Variants in HOXA5 observed in about 807,000 individuals in gnomAD.
HOXA5 encodes homeobox protein Hox-A5.
In HOXA5, 12 loss-of-function variants were observed where a neutral mutation model predicts 20.0. The observed-to-expected ratio is 0.60, with a 90% confidence interval of 0.38 to 0.97. HOXA5 has a LOEUF of 0.97. HOXA5 is among the 50% of genes least tolerant of loss of function. HOXA5 has a pLI of 0.00. For synonymous variants in HOXA5, 159 were observed against 157.7 expected, an observed-to-expected ratio of 1.01 and a Z score of -0.06; for missense variants, 352 against 380.3, an observed-to-expected ratio of 0.93 and a Z score of 0.62.
At position 27,141,687 on chromosome 7, in the gene HOXA5, A is replaced by C; in HGVS notation, c.*148T>G. 1 of 969,384 alleles carries C rather than the reference A, an allele frequency of 1.0e-6. No homozygotes were observed. Among genetic ancestry groups the C allele is most frequent in the Non-Finnish European group, 1.5e-6 (1 of 653,932 alleles). The allele number at this position is 969,384 out of a possible 1,614,324, so 60.0% of individuals were successfully genotyped here. ...CTTATACAGGCGCTATAATGGCAAT[A>C]AACAGGCTCATGATTAAAAGATGAA... On this transcript the variant is annotated 3_prime_UTR_variant, in exon 2 of 2. Coordinates refer to ENST00000222726, the MANE Select transcript of HOXA5 (RefSeq NM_019102.4).
In HOXA5 at chr7:27,142,041, T is replaced by C. The variant is rs776634325; in HGVS notation, c.607A>G (p.Thr203Ala). 4 of 1,614,204 alleles carry C rather than the reference T, an allele frequency of 2.5e-6. No homozygotes were observed. The stretch of plus-strand genomic sequence containing the variant: ...TCCAGCTCCAGGGTCTGGTAGCGCG[T>C]GTAGGCCGTCCGGGCCCTTTTGCCT... The part of the protein sequence containing the change: ...PEGKRARTAY[T>A]RYQTLELEKE... The change falls in exon 2 of 2, where the codon ACG (threonine) becomes GCG (alanine). Residue 203 changes from threonine (T) to alanine (A), a missense_variant. Thr to Ala is a moderately conservative substitution (Grantham distance 58, BLOSUM62 0). This residue lies in a region of HOXA5 where 319 missense variants were observed against 336.5 expected (regional missense o/e 0.95). Transcript: ENST00000222726.
In HOXA5 at chr7:27,141,914, T is replaced by A; in HGVS notation, c.734A>T (p.Asn245Ile). Residue 245 changes from asparagine to isoleucine, a missense_variant, in exon 2 of 2, where the codon AAC becomes ATC. By Grantham distance (149) the Asn-to-Ile change is moderately radical. This residue lies in a region of HOXA5 where 3 missense variants were observed against 17.7 expected (regional missense o/e 0.17). Transcript: ENST00000222726. ...ATCTTTTTTCCACTTCATTCTCCGGTTTTGGAACCAGATTTTAATTTGTCT... is the reference window on the plus strand; with the variant it reads ...ATCTTTTTTCCACTTCATTCTCCGGATTTGGAACCAGATTTTAATTTGTCT... ...SERQIKIWFQNRRMKWKKDNK... is the reference protein window; with the variant it reads ...SERQIKIWFQIRRMKWKKDNK... 6.2e-7 allele frequency: 1 copy of A among 1,614,196 alleles called. No individual in the cohort carries two copies. Among genetic ancestry groups the A allele is most frequent in the Non-Finnish European group, 8.5e-7 (1 of 1,180,046 alleles).
chr7:27,143,129 G>T lies in HOXA5; in HGVS notation c.479C>A (p.Ala160Glu), dbSNP rs1562729047. 5 of 1,606,904 alleles carry T rather than the reference G, an allele frequency of 3.1e-6. No individual in the cohort carries two copies. The highest frequency in any genetic ancestry group is 1.4e-5 in the African/African-American group (1 of 74,042). ...CGGGCTCGGCTCGCTCTGCGCACTC[G>T]CCTGCTCGCTGCTGGCAGGGGCGTC... The part of the protein sequence containing the change: ...EEDAPASSEQ[A>E]SAQSEPSPAP... Residue 160 changes from alanine (A) to glutamate (E), a missense_variant, in exon 1 of 2, where the codon GCG becomes GAG. By Grantham distance (107) the Ala-to-Glu change is moderately radical. Transcript: ENST00000222726.
rs745560377 is a variant in HOXA5 at position 27,141,843 on chromosome 7, G to A, written c.805C>T (p.Arg269Cys). The change falls in exon 2 of 2, where the codon CGT (arginine) becomes TGT (cysteine). Residue 269 changes from arginine (R) to cysteine (C), a missense_variant. By Grantham distance (180) the Arg-to-Cys change is radical. Transcript: ENST00000222726. ...MSMAAAGGAF[R>C]P ...TTTAAACGCTCAGATACTCAGGGAC[G>A]GAAGGCCCCTCCTGCCGCGGCCATG... 1.7e-5 allele frequency: 28 copies of A among 1,613,780 alleles called. No homozygotes were observed. The highest frequency in any genetic ancestry group is 4.4e-5 in the South Asian group (4 of 91,074).
chr7:27,142,432 C>G (rs988520317), intron 1 of HOXA5, among the ~76,000 whole-genome samples: 1 of 152,180 alleles, frequency 6.6e-6, no homozygotes, highest in Non-Finnish European at 1.5e-5. Flanking sequence ...AAGCAAGGCC[C>G]TTTCCTGAGC....
intron 1 of HOXA5, 70 bp downstream of exon 1, chr7:27,142,976 C>T: frequency 1.5e-6 from 2 of 1,358,562 alleles, no homozygotes; most frequent in East Asian, 2.5e-5. Flanking sequence ...GAGAGGGCGG[C>T]AGAGAAGAGA....
At position 27,142,994 on chromosome 7, in the gene HOXA5, C is replaced by T; in HGVS notation, c.562+52G>A. The T allele has an allele frequency of 2.1e-6, 3 of 1,458,474 alleles. No homozygotes were observed. The South Asian group carries it at 4.2e-5, about 20-fold the overall frequency. 90.3% of individuals were successfully genotyped at this position (1,458,474 alleles called of 1,614,324 possible). On this transcript the variant is annotated intron_variant, in intron 1 of 1. Coordinates refer to ENST00000222726, the MANE Select transcript of HOXA5 (RefSeq NM_019102.4). ...AGGGCGGCAGAGAAGAGAGGGGGGA[C>T]CGAGAGCCGCGTCCCCGCGGTCGCG...
In HOXA5 at chr7:27,141,873, T is replaced by C. The variant is rs763891126; in HGVS notation, c.775A>G (p.Met259Val). The change falls in exon 2 of 2, where the codon ATG (methionine) becomes GTG (valine). Residue 259 changes from methionine (M) to valine (V), a missense_variant. Physicochemically the swap from Met to Val is conservative, Grantham distance 21. Coordinates refer to ENST00000222726, the MANE Select transcript of HOXA5 (RefSeq NM_019102.4). The stretch of plus-strand genomic sequence containing the variant: ...GCCCCTCCTGCCGCGGCCATGCTCA[T>C]GCTTTTCAGCTTATTATCTTTTTTC... ...KWKKDNKLKS[M>V]SMAAAGGAFR... 1.9e-6 allele frequency: 3 copies of C among 1,614,128 alleles called. No homozygotes were observed. The highest frequency in any genetic ancestry group is 3.3e-5 in the Admixed American group (2 of 60,012).
intron 1 of HOXA5, 54 bp downstream of exon 1, chr7:27,142,992 G>T: frequency 6.9e-7 from 1 of 1,439,896 alleles, no homozygotes; most frequent in South Asian, 1.4e-5. Context: ...AGAGAGGGGG[G>T]ACCGAGAGCC....
chr7:27,143,666 C>A lies in HOXA5; in HGVS notation c.-59G>T. On this transcript the variant is annotated 5_prime_UTR_variant, in exon 1 of 2. Coordinates refer to ENST00000222726, the MANE Select transcript of HOXA5 (RefSeq NM_019102.4). ...CGCGGTCGTTTGTGCGTCTATAGCA[C>A]CCTTGCACAATTTATGATGAATTAT... 1.3e-6 allele frequency: 2 copies of A among 1,527,218 alleles called. No homozygotes were observed. Among genetic ancestry groups the A allele is most frequent in the Non-Finnish European group, 1.8e-6 (2 of 1,136,664 alleles). The allele number at this position is 1,527,218 out of a possible 1,614,324, so 94.6% of individuals were successfully genotyped here.
Position 27,143,402 on chromosome 7 carries a change from C to T in HOXA5, c.206G>A (p.Arg69His). 1 of 1,608,518 alleles carries T rather than the reference C, an allele frequency of 6.2e-7. No individual in the cohort carries two copies. The highest frequency in any genetic ancestry group is 1.3e-5 in the African/African-American group (1 of 74,870). Residue 69 changes from arginine (R) to histidine (H), a missense_variant, in exon 1 of 2, where the codon CGC (arginine) becomes CAC (histidine). Physicochemically the swap from Arg to His is conservative, Grantham distance 29. Coordinates refer to ENST00000222726, the MANE Select transcript of HOXA5 (RefSeq NM_019102.4). ...SGSGHFGSGE[R>H]ARSYAASASA... ...GGCGCTGGCAGCGTAGCTGCGGGCG[C>T]GCTCTCCGGAGCCAAAGTGGCCGGA...
rs781576714 is a variant in HOXA5 at position 27,143,229 on chromosome 7, CGCTGGAGTT to C, written c.370_378del (p.Asn124_Ser126del). ...GTGCTGCCGGCGTCGGCCGAGGCGC[CGCTGGAGTT>C]GCTTAGGGAGTTTTTCCCGCCGTGG... On this transcript the variant is annotated inframe_deletion, in exon 1 of 2. Coordinates refer to ENST00000222726, the MANE Select transcript of HOXA5 (RefSeq NM_019102.4). 60 of 1,609,838 alleles carry C rather than the reference CGCTGGAGTT, an allele frequency of 3.7e-5. No individual in the cohort carries two copies. The South Asian group carries it at 6.4e-4, about 17-fold the overall frequency.
In HOXA5 at chr7:27,141,979, T is replaced by C; in HGVS notation, c.669A>G (p.Arg223=). 5 of 1,614,266 alleles carry C rather than the reference T, an allele frequency of 3.1e-6. No individual in the cohort carries two copies. The highest frequency in any genetic ancestry group is 4.2e-6 in the Non-Finnish European group (5 of 1,180,050). Reference sequence around the variant, plus strand: ...GAGCATGTGCTATTTCAATCCTCCTTCTGCGGGTCAGGTAACGGTTGAAGT... The same window carrying C: ...GAGCATGTGCTATTTCAATCCTCCTCCTGCGGGTCAGGTAACGGTTGAAGT... ...EFHFNRYLTR[R]RRIEIAHALC... is the part of the protein sequence containing the mutation. Residue 223 remains arginine (R), a synonymous_variant, in exon 2 of 2, where the codon AGA becomes AGG. Transcript: ENST00000222726.
At position 27,143,193 on chromosome 7, in the gene HOXA5, T is replaced by A; in HGVS notation, c.415A>T (p.Ser139Cys). 1 of 1,611,416 alleles carries A rather than the reference T, an allele frequency of 6.2e-7. No individual in the cohort carries two copies. The highest frequency in any genetic ancestry group is 8.5e-7 in the Non-Finnish European group (1 of 1,179,208). The change falls in exon 1 of 2, where the codon AGC (serine) becomes TGC (cysteine). Residue 139 changes from serine to cysteine, a missense_variant. Ser to Cys is a moderately radical substitution (Grantham distance 112). Transcript: ENST00000222726. ...SADAGSTHISSREGVGTASGA... is the reference protein window; with the variant it reads ...SADAGSTHISCREGVGTASGA... ...GACGCCGTGCCAACCCCCTCTCTGC[T>A]GCTGATGTGGGTGCTGCCGGCGTCG... is the stretch of plus-strand genomic sequence containing the variant.
In HOXA5 at chr7:27,143,642, G is replaced by A. The variant is rs553432814; in HGVS notation, c.-35C>T. ...GATATGTGTGCTTGATTTGTGGCTC[G>A]CGGTCGTTTGTGCGTCTATAGCACC... On this transcript the variant is annotated 5_prime_UTR_variant, in exon 1 of 2. Transcript: ENST00000222726. 3.1e-5 allele frequency: 48 copies of A among 1,556,504 alleles called. No homozygotes were observed. The highest frequency in any genetic ancestry group is 4.1e-5 in the Non-Finnish European group (47 of 1,149,932).
Position 27,143,374 on chromosome 7 carries a change from G to T in HOXA5, c.234C>A (p.Ser78Arg). ...ERARSYAASA[S>R]AAPAEPRYSQ... ...TGTACCTGGGCTCGGCGGGCGCCGC[G>T]CTGGCGCTGGCAGCGTAGCTGCGGG... The change falls in exon 1 of 2, where the codon AGC becomes AGA. Residue 78 changes from serine to arginine, a missense_variant. Coordinates refer to ENST00000222726, the MANE Select transcript of HOXA5 (RefSeq NM_019102.4). 2 of 1,591,264 alleles carry T rather than the reference G, an allele frequency of 1.3e-6. No homozygotes were observed. Among genetic ancestry groups the T allele is most frequent in the Non-Finnish European group, 1.7e-6 (2 of 1,172,530 alleles).
chr7:27,141,756 G>A lies in HOXA5; in HGVS notation c.*79C>T. 1 of 1,527,480 alleles carries A rather than the reference G, an allele frequency of 6.5e-7. No homozygotes were observed. Among genetic ancestry groups the A allele is most frequent in the Non-Finnish European group, 8.9e-7 (1 of 1,128,466 alleles). The allele number at this position is 1,527,480 out of a possible 1,614,324, so 94.6% of individuals were successfully genotyped here. On this transcript the variant is annotated 3_prime_UTR_variant, in exon 2 of 2. Coordinates refer to ENST00000222726, the MANE Select transcript of HOXA5 (RefSeq NM_019102.4). ...GGCTTCTTCACAGAAGGAACACAAG[G>A]GAGTTTCAGAAAGTCACCTTAGTAC... is the stretch of plus-strand genomic sequence containing the variant.
At position 27,143,660 on chromosome 7, in the gene HOXA5, A is replaced by G. The variant is rs1055207469; in HGVS notation, c.-53T>C. ...GTGGCTCGCGGTCGTTTGTGCGTCT[A>G]TAGCACCCTTGCACAATTTATGATG... On this transcript the variant is annotated 5_prime_UTR_variant, in exon 1 of 2. Coordinates refer to ENST00000222726, the MANE Select transcript of HOXA5 (RefSeq NM_019102.4). 3 of 1,544,002 alleles carry G rather than the reference A, an allele frequency of 1.9e-6. No homozygotes were observed. The highest frequency in any genetic ancestry group is 2.6e-6 in the Non-Finnish European group (3 of 1,143,956).
chr7:27,143,217 C>A lies in HOXA5; in HGVS notation c.391G>T (p.Asp131Tyr). ...CTGCTGATGTGGGTGCTGCCGGCGTCGGCCGAGGCGCCGCTGGAGTTGCTT... is the reference window on the plus strand; with the variant it reads ...CTGCTGATGTGGGTGCTGCCGGCGTAGGCCGAGGCGCCGCTGGAGTTGCTT... ...SLSNSSGASADAGSTHISSRE... is the reference protein window; with the variant it reads ...SLSNSSGASAYAGSTHISSRE... Residue 131 changes from aspartate to tyrosine, a missense_variant, in exon 1 of 2, where the codon GAC (aspartate) becomes TAC (tyrosine). By Grantham distance (160) the Asp-to-Tyr change is radical. This residue lies in a region of HOXA5 where 319 missense variants were observed against 336.5 expected (regional missense o/e 0.95). Transcript: ENST00000222726. The A allele has an allele frequency of 6.2e-7, 1 of 1,610,256 alleles. No homozygotes were observed. Among genetic ancestry groups the A allele is most frequent in the Non-Finnish European group, 8.5e-7 (1 of 1,178,914 alleles).
Sources: gnomAD v4.1 joint callset for allele counts (sites outside exome capture counted in the v4.1 genomes callset) on GRCh38, gnomAD v4.1.1 for gene constraint, gnomAD v4.1.1 regional missense constraint, MANE v1.5 for transcripts, NCBI Gene and HGNC (gene_info 2026-07-23, HGNC 2026-07-21) for gene names.